Variants in ZSCAN25 observed in about 807,000 individuals in gnomAD.
ZSCAN25 encodes the protein zinc finger and SCAN domain-containing protein 25.
A neutral mutation model predicts 38.7 loss-of-function variants in ZSCAN25; 27 were observed. The ratio of observed to expected loss-of-function variants is 0.70; its 90% confidence interval spans 0.51 to 0.96. The LOEUF is 0.96. Ranked by LOEUF, ZSCAN25 falls within the 40% of genes least tolerant of loss-of-function variation. The pLI, the probability that ZSCAN25 is intolerant of heterozygous loss-of-function variation, is 0.00. For synonymous variants in ZSCAN25, 273 were observed against 277.7 expected (o/e 0.98, Z 0.17); for missense variants, 637 against 705.9 (o/e 0.90, Z 1.11).
chr7:99,679,733 C>T, the ZSCAN25 span: 1 of 1,217,604 alleles, frequency 8.2e-7, no homozygotes, highest in African/African-American at 1.5e-5. Context: ...CCTTGAACAT[C>T]TCTTTTGATC....
chr7:99,641,791 G>A, the ZSCAN25 span, among the ~76,000 whole-genome samples: 1 of 152,036 alleles, frequency 6.6e-6, no homozygotes, highest in Admixed American at 6.6e-5. Flanking sequence ...TGACAGAGAC[G>A]GACAACTCCC....
the ZSCAN25 span, among the ~76,000 whole-genome samples, chr7:99,737,594 A>G: frequency 2.6e-5 from 4 of 152,312 alleles, no homozygotes; most frequent in East Asian, 7.7e-4. Context: ...GCTCACCTAA[A>G]CAAAGAGCCT....
At chr7:99,676,086 A>C in the ZSCAN25 span, 1 of 1,587,758 alleles carries the variant, frequency 6.3e-7, no homozygotes, top group Admixed American at 1.7e-5. Flanking sequence ...CAACCATAAG[A>C]AGCAAAAGAG....
the ZSCAN25 span, chr7:99,677,194 A>C: frequency 1.0e-6 from 1 of 985,394 alleles, no homozygotes; most frequent in East Asian, 1.1e-4. Flanking sequence ...ATGGTTCTGG[A>C]TCCTTGCAGA....
chr7:99,692,298 G>C, the ZSCAN25 span, among the ~76,000 whole-genome samples: 15 of 152,260 alleles, frequency 9.9e-5, no homozygotes, highest in East Asian at 2.7e-3. Flanking sequence ...TTGTGGGGAA[G>C]CCGACCTTTC....
At chr7:99,656,083 C>T in the ZSCAN25 span, among the ~76,000 whole-genome samples, 1 of 152,122 alleles carries the variant, frequency 6.6e-6, no homozygotes, top group African/African-American at 2.4e-5. Context: ...CTTTCTCTTG[C>T]CTGATTGCCC....
At chr7:99,685,607 G>A in the ZSCAN25 span, among the ~76,000 whole-genome samples, 9 of 152,194 alleles carry the variant, frequency 5.9e-5, no homozygotes, top group African/African-American at 9.6e-5. Flanking sequence ...TCAGGCACAC[G>A]AGCATGGGAA....
At chr7:99,691,988 A>C in the ZSCAN25 span, among the ~76,000 whole-genome samples, 6 of 152,148 alleles carry the variant, frequency 3.9e-5, no homozygotes, top group Non-Finnish European at 7.3e-5. Context: ...TCTTCATAGC[A>C]TCGATGGTCT....
chr7:99,648,140 C>T, the ZSCAN25 span: 2 of 1,368,564 alleles, frequency 1.5e-6, no homozygotes, highest in Non-Finnish European at 1.9e-6. Context: ...CAACACTCTA[C>T]ACAGACTCTG....
Position 99,632,109 on chromosome 7 carries a change from G to C in ZSCAN25, c.*2089G>C, listed in dbSNP as rs1808047900. The C allele has an allele frequency of 2.0e-6, 2 of 985,408 alleles. No homozygotes were observed. Among genetic ancestry groups the C allele is most frequent in the Non-Finnish European group, 1.2e-6 (1 of 829,958 alleles). The allele number at this position is 985,408 out of a possible 1,614,324, so 61.0% of individuals were successfully genotyped here. A position where few individuals can be genotyped will look rare whatever the true frequency, so the allele number is the denominator to read the frequency against. Reference sequence around the variant, plus strand: ...CATTCCTCTGGGTTTCAGCAAGTTGGCATATCTTAAGCTTCAGAAGGAGCT... The same window carrying C: ...CATTCCTCTGGGTTTCAGCAAGTTGCCATATCTTAAGCTTCAGAAGGAGCT... On this transcript the variant is annotated 3_prime_UTR_variant, in exon 8 of 8. Coordinates refer to ENST00000394152, the MANE Select transcript of ZSCAN25 (RefSeq NM_145115.3).
At chr7:99,666,902 C>G in the ZSCAN25 span, 1 of 1,606,244 alleles carries the variant, frequency 6.2e-7, no homozygotes, top group Non-Finnish European at 8.5e-7. Context: ...TCTACCTGTC[C>G]CCAGATTCAT....
At chr7:99,729,286 G>T in the ZSCAN25 span, among the ~76,000 whole-genome samples, 1 of 151,930 alleles carries the variant, frequency 6.6e-6, no homozygotes, top group African/African-American at 2.4e-5. Flanking sequence ...CAAGTCCATG[G>T]TACCATCCTC....
rs767457984 is a variant in ZSCAN25 at position 99,630,255 on chromosome 7, G to A, written c.*235G>A. On this transcript the variant is annotated 3_prime_UTR_variant, in exon 8 of 8. Coordinates refer to ENST00000394152, the MANE Select transcript of ZSCAN25 (RefSeq NM_145115.3). ...CAATGTTTGAGGGAAGCAGTCTCCT[G>A]CGGTTCAGTTCAGGCTGAGATTTTC... is the stretch of plus-strand genomic sequence containing the variant. The A allele has an allele frequency of 1.2e-3, 1,581 of 1,328,914 alleles. 2 individuals carry two copies. Among genetic ancestry groups the A allele is most frequent in the Non-Finnish European group, 1.4e-3 (1,464 of 1,043,558 alleles). 82.3% of individuals were successfully genotyped at this position (1,328,914 alleles called of 1,614,324 possible). A position where few individuals can be genotyped will look rare whatever the true frequency, so the allele number is the denominator to read the frequency against.
the ZSCAN25 span, among the ~76,000 whole-genome samples, chr7:99,680,440 C>T: frequency 6.6e-6 from 1 of 152,202 alleles, no homozygotes; most frequent in Non-Finnish European, 1.5e-5. Flanking sequence ...ACCATTTCCT[C>T]CTCTGGGTGC....
chr7:99,692,905 C>T, the ZSCAN25 span, among the ~76,000 whole-genome samples: 1 of 152,202 alleles, frequency 6.6e-6, no homozygotes, highest in African/African-American at 2.4e-5. Context: ...GTCAACTCAT[C>T]AAACTCATTC....
the ZSCAN25 span, among the ~76,000 whole-genome samples, chr7:99,689,797 A>G: frequency 1.3e-5 from 2 of 152,232 alleles, no homozygotes; most frequent in East Asian, 1.9e-4. Context: ...ATGAAATAAA[A>G]GAGGATACAA....
chr7:99,735,099 C>CT, the ZSCAN25 span: 5 of 1,613,874 alleles, frequency 3.1e-6, no homozygotes, highest in Non-Finnish European at 4.2e-6. Flanking sequence ...TCCATCACTA[C>CT]TTTCCTTCCT....
At chr7:99,675,308 C>T in the ZSCAN25 span, among the ~76,000 whole-genome samples, 1 of 152,206 alleles carries the variant, frequency 6.6e-6, no homozygotes, top group African/African-American at 2.4e-5. Context: ...TTTAACCATG[C>T]AAAAGAAGGT....
chr7:99,642,163 T>C, the ZSCAN25 span, among the ~76,000 whole-genome samples: 1 of 152,252 alleles, frequency 6.6e-6, no homozygotes, highest in African/African-American at 2.4e-5. Context: ...TAACTATCTG[T>C]CATGTTTTTA....
Sources: allele counts gnomAD v4.1 joint callset (sites outside exome capture counted in the v4.1 genomes callset), GRCh38; gene constraint gnomAD v4.1.1; transcripts MANE v1.5; gene names NCBI Gene and HGNC (gene_info 2026-07-23, HGNC 2026-07-21).